Variants in MED13L observed in about 807,000 individuals in gnomAD.
MED13L encodes mediator complex subunit 13L.
A neutral mutation model predicts 220.9 loss-of-function variants in MED13L; 7 were observed. The observed-to-expected ratio is 0.03, with a 90% CI of 0.02 to 0.06. MED13L has a LOEUF of 0.06. Among genes scored for constraint, MED13L ranks in the 10% least tolerant of loss-of-function variants. The pLI, the probability that MED13L is intolerant of heterozygous loss-of-function variation, is 1.00. For missense variants in MED13L, 1,965 were observed against 2,760.5 expected, an observed-to-expected ratio of 0.71 and a Z score of 6.46; for synonymous variants, 1,011 against 1,015.2, an observed-to-expected ratio of 1.00 and a Z score of 0.08.
At chr12:116,033,796 T>C (rs1566022067) in intron 4 of MED13L, among the ~76,000 whole-genome samples, 1 of 152,168 alleles carries the variant, frequency 6.6e-6, no homozygotes, top group South Asian at 2.1e-4. Flanking sequence ...TATATACATA[T>C]AACAGGAAAC....
chr12:116,201,118 C>T (rs1171979005), intron 2 of MED13L, among the ~76,000 whole-genome samples: 1 of 152,136 alleles, frequency 6.6e-6, no homozygotes, highest in African/African-American at 2.4e-5. Context: ...TACACATCCA[C>T]TAGTATAATT....
At chr12:116,038,073 T>C (rs1203910113) in intron 4 of MED13L, among the ~76,000 whole-genome samples, 1 of 152,018 alleles carries the variant, frequency 6.6e-6, no homozygotes, top group African/African-American at 2.4e-5. Context: ...CAATGGGGAG[T>C]GTGTCTGACA....
chr12:115,966,282 T>C (rs758319098), intron 28 of MED13L, 39 bp from the exon 29 acceptor site: 2 of 1,612,202 alleles, frequency 1.2e-6, no homozygotes, highest in East Asian at 2.2e-5. Flanking sequence ...TCAGCATTTA[T>C]CTTAAAGCTT....
At position 116,249,734 on chromosome 12, in the gene MED13L, C is replaced by CAA. The variant is rs58809334; in HGVS notation, c.73-12031_73-12030dup. 9.2e-4 allele frequency among the ~76,000 whole-genome samples: 18 copies of CAA among 19,616 alleles called. 2 individuals are homozygous for CAA. The highest frequency in any genetic ancestry group is 1.1e-3 in the Non-Finnish European group (12 of 11,372). The allele number at this position is 19,616 out of a possible 152,430, so 12.9% of individuals were successfully genotyped here. On this transcript the variant is annotated intron_variant, in intron 1 of 30. Coordinates refer to ENST00000281928, the MANE Select transcript of MED13L (RefSeq NM_015335.5). ...TTTAACAGCAGATTAAGTACCTACCCAAAAAAAAAAAAAAAAAAAAAAAAA... is the reference window on the plus strand; with the variant it reads ...TTTAACAGCAGATTAAGTACCTACCCAAAAAAAAAAAAAAAAAAAAAAAAAAA...
chr12:116,114,199 T>A (rs1387659722), intron 2 of MED13L, among the ~76,000 whole-genome samples: 1 of 152,198 alleles, frequency 6.6e-6, no homozygotes, highest in Non-Finnish European at 1.5e-5. Flanking sequence ...CATGATATCA[T>A]CATTTTACAA....
At chr12:116,129,352 T>G (rs1875864666) in intron 2 of MED13L, among the ~76,000 whole-genome samples, 1 of 152,212 alleles carries the variant, frequency 6.6e-6, no homozygotes, top group East Asian at 1.9e-4. Flanking sequence ...TTAAATCAGC[T>G]AGACAACTAT....
chr12:116,155,529 T>C (rs1878360934), intron 2 of MED13L, among the ~76,000 whole-genome samples: 2 of 152,168 alleles, frequency 1.3e-5, no homozygotes, highest in African/African-American at 4.8e-5. Flanking sequence ...AGAGCAAACA[T>C]ACCACAGTTC....
intron 16 of MED13L, among the ~76,000 whole-genome samples, chr12:115,993,968 G>T (rs147065202): frequency 2.6e-5 from 4 of 152,162 alleles, no homozygotes; most frequent in African/African-American, 7.2e-5. Context: ...GGCGAGCAGA[G>T]ACCACAGCAG....
In MED13L at chr12:116,017,663, T is replaced by C. The variant is rs142730751; in HGVS notation, c.1009+1561A>G. Among the ~76,000 whole-genome samples, 304 of 152,330 alleles carry C rather than the reference T, an allele frequency of 2.0e-3. 3 individuals carry two copies. The highest frequency in any genetic ancestry group is 0.01 in the Middle Eastern group (3 of 294). ...TATGGTCTAGCTCCGTCGACCATGG[T>C]GGAGTGCACTGATGCTGTCTTGGCT... On this transcript the variant is annotated intron_variant, in intron 7 of 30. Transcript: ENST00000281928.
intron 29 of MED13L, among the ~76,000 whole-genome samples, chr12:115,964,863 C>T (rs139260215): frequency 4.8e-4 from 73 of 152,240 alleles, no homozygotes; most frequent in South Asian, 1.9e-3. Context: ...TAAATGACAA[C>T]GGTGTGCAGG....
In MED13L at chr12:116,043,840, G is replaced by C. The variant is rs141829188; in HGVS notation, c.480-21239C>G. Among the ~76,000 whole-genome samples the C allele has an allele frequency of 3.3e-5, 5 of 152,204 alleles. 1 individual carries two copies. Among genetic ancestry groups the C allele is most frequent in the Admixed American group, 3.3e-4 (5 of 15,280 alleles). The stretch of plus-strand genomic sequence containing the variant: ...AAGGGGAAAAGTAATAGAAAGGCAT[G>C]TATTTTATTCAAACTGGCATATGTT... On this transcript the variant is annotated intron_variant, in intron 4 of 30. Transcript: ENST00000281928.
At position 116,015,209 on chromosome 12, in the gene MED13L, T is replaced by A. The variant is rs1193167526; in HGVS notation, c.1075A>T (p.Met359Leu). 2 of 1,613,934 alleles carry A rather than the reference T, an allele frequency of 1.2e-6. No individual in the cohort carries two copies. The highest frequency in any genetic ancestry group is 2.2e-5 in the South Asian group (2 of 91,080). The stretch of plus-strand genomic sequence containing the variant: ...TTCCCCGATCTCTTTGGACTGTGCA[T>A]CGTTATCATCCCTCCATCTTGGGAA... ...LVSQDGGMIT[M>L]HSPKRSGKIP... The change falls in exon 8 of 31, where the codon ATG becomes TTG. Residue 359 changes from methionine (M) to leucine (L), a missense_variant. By Grantham distance (15) the Met-to-Leu change is conservative. Transcript: ENST00000281928.
Position 116,019,858 on chromosome 12 carries a change from A to G in MED13L, c.740T>C (p.Leu247Pro), listed in dbSNP as rs544242312. The change falls in exon 6 of 31, where the codon CTA becomes CCA. Residue 247 changes from leucine (L) to proline (P), a missense_variant. Transcript: ENST00000281928. The stretch of plus-strand genomic sequence containing the variant: ...CTCTTTCGATTCTTCTTTCTTTTTT[A>G]GCACCATCGGGTAGAAATACTGCCA... ...EEWQYFYPMV[L>P]KKKEESKEED... 2.8e-5 allele frequency: 45 copies of G among 1,613,886 alleles called. 1 individual carries two copies. In the South Asian group the frequency reaches 4.9e-4, roughly 18 times the overall value.
At chr12:116,076,246 C>T (rs1870790201) in intron 4 of MED13L, among the ~76,000 whole-genome samples, 1 of 152,108 alleles carries the variant, frequency 6.6e-6, no homozygotes. Context: ...ACAAAAGGCA[C>T]TTAATGGGGG....
In MED13L at chr12:116,031,759, A is replaced by AAGGAAGGAAG. The variant is rs1880838903; in HGVS notation, c.480-9159_480-9158insCTTCCTTCCT. Among the ~76,000 whole-genome samples the AAGGAAGGAAG allele has an allele frequency of 4.3e-3, 176 of 40,990 alleles. 12 individuals are homozygous for AAGGAAGGAAG. Among genetic ancestry groups the AAGGAAGGAAG allele is most frequent in the East Asian group, 0.012 (15 of 1,278 alleles). 26.9% of individuals were successfully genotyped at this position (40,990 alleles called of 152,430 possible). On this transcript the variant is annotated intron_variant, in intron 4 of 30. Transcript: ENST00000281928. Reference sequence around the variant, plus strand: ...AGAAAAGAAAAGAAAAGAAAAGAAAAGAAGGAAGGAAGGAAGGAAGGAAGG... The same window carrying AAGGAAGGAAG: ...AGAAAAGAAAAGAAAAGAAAAGAAAAAGGAAGGAAGGAAGGAAGGAAGGAAGGAAGGAAGG...
At chr12:116,267,581 A>G (rs1036134244) in intron 1 of MED13L, among the ~76,000 whole-genome samples, 13 of 152,240 alleles carry the variant, frequency 8.5e-5, no homozygotes, top group Non-Finnish European at 1.3e-4. Context: ...AGTTTACAGG[A>G]GAAACTGAGG....
chr12:116,213,869 A>G (rs1197498146), intron 2 of MED13L, among the ~76,000 whole-genome samples: 1 of 152,238 alleles, frequency 6.6e-6, no homozygotes, highest in African/African-American at 2.4e-5. Context: ...GCTACCAGTT[A>G]GAAAAAGCTG....
At chr12:116,177,460 T>G (rs958182431) in intron 2 of MED13L, among the ~76,000 whole-genome samples, 1 of 152,212 alleles carries the variant, frequency 6.6e-6, no homozygotes, top group African/African-American at 2.4e-5. Context: ...TGACCATTAC[T>G]CATCTGTGTC....
rs763422312 is a variant in MED13L at position 115,987,097 on chromosome 12, C to T, written c.4114+12G>A. The T allele has an allele frequency of 6.2e-7, 1 of 1,613,928 alleles. No homozygotes were observed. Among genetic ancestry groups the T allele is most frequent in the East Asian group, 2.2e-5 (1 of 44,878 alleles). On this transcript the variant is annotated intron_variant, in intron 18 of 30. Coordinates refer to ENST00000281928, the MANE Select transcript of MED13L (RefSeq NM_015335.5). ...AAGTCAGAAGGAATTTTAAACAGGA[C>T]AAAGACCCTACCGTAGGTTCCCCGT...
Sources: gnomAD v4.1 joint callset for allele counts (sites outside exome capture counted in the v4.1 genomes callset) on GRCh38, gnomAD v4.1.1 for gene constraint, MANE v1.5 for transcripts, NCBI Gene and HGNC (gene_info 2026-07-23, HGNC 2026-07-21) for gene names.